Variants in LPAR3 observed in about 807,000 individuals in gnomAD.
The protein encoded by LPAR3 is lysophosphatidic acid receptor 3.
A neutral mutation model predicts 17.8 loss-of-function variants in LPAR3; 7 were observed. The ratio of observed to expected loss-of-function variants is 0.39; its 90% CI spans 0.22 to 0.74. The LOEUF is 0.74. Ranked by LOEUF, LPAR3 falls within the 30% of genes least tolerant of loss-of-function variation. The probability of loss-of-function intolerance (pLI) is 0.40; values close to 1 mark genes in which losing one functional copy is unlikely to be tolerated. For synonymous variants in LPAR3, 179 were observed against 179.9 expected, an observed-to-expected ratio of 0.99 and a Z score of 0.04; for missense variants, 391 against 453.4, an observed-to-expected ratio of 0.86 and a Z score of 1.25.
intron 2 of LPAR3, among the ~76,000 whole-genome samples, chr1:84,831,517 T>G (rs1659282317): frequency 6.9e-6 from 1 of 143,918 alleles, no homozygotes; most frequent in Non-Finnish European, 1.5e-5. Flanking sequence ...TTACATTGCA[T>G]TATATATATA....
intron 2 of LPAR3, among the ~76,000 whole-genome samples, chr1:84,860,734 ATTTTTT>A (rs35354113): frequency 7.0e-5 from 8 of 113,548 alleles, no homozygotes; most frequent in Admixed American, 1.9e-4. Flanking sequence ...TTAGGATTTA[ATTTTTT>A]TTTTTTTTTT....
At chr1:84,862,073 A>C (rs1419151398) in intron 2 of LPAR3, among the ~76,000 whole-genome samples, 1 of 152,218 alleles carries the variant, frequency 6.6e-6, no homozygotes, top group Non-Finnish European at 1.5e-5. Flanking sequence ...TGATGAGAAA[A>C]GAAAGTTTTC....
intron 1 of LPAR3, among the ~76,000 whole-genome samples, chr1:84,868,302 G>A (rs1660092935): frequency 6.6e-6 from 1 of 152,128 alleles, no homozygotes; most frequent in Non-Finnish European, 1.5e-5. Context: ...TAGAGACGGG[G>A]TTTCACCATG....
intron 2 of LPAR3, among the ~76,000 whole-genome samples, chr1:84,857,058 G>A (rs1659843467): frequency 6.6e-6 from 1 of 152,118 alleles, no homozygotes; most frequent in Admixed American, 6.5e-5. Flanking sequence ...TTTGCCATCT[G>A]TCAAGGCAGC....
intron 2 of LPAR3, among the ~76,000 whole-genome samples, chr1:84,816,885 C>T (rs903700193): frequency 6.6e-6 from 1 of 152,146 alleles, no homozygotes; most frequent in Non-Finnish European, 1.5e-5. Context: ...TGTACTCTTC[C>T]ATTTGTTTTG....
intron 1 of LPAR3, among the ~76,000 whole-genome samples, chr1:84,879,908 A>C (rs921307215): frequency 3.3e-5 from 5 of 152,248 alleles, no homozygotes; most frequent in African/African-American, 1.2e-4. Flanking sequence ...AAATCCACGT[A>C]GTCCATGGAC....
At chr1:84,860,249 A>T (rs557295534) in intron 2 of LPAR3, among the ~76,000 whole-genome samples, 2 of 152,160 alleles carry the variant, frequency 1.3e-5, no homozygotes, top group Non-Finnish European at 2.9e-5. Context: ...CTGAATCCCC[A>T]TGCTGTTAGC....
chr1:84,813,745 C>A lies in LPAR3; in HGVS notation c.*101G>T. ...GAAATCTAGCAGTGATTAATGGAGA[C>A]CTCAAATAACACTGTACATGGGCTT... On this transcript the variant is annotated 3_prime_UTR_variant, in exon 3 of 3. Coordinates refer to ENST00000370611, the MANE Select transcript of LPAR3 (RefSeq NM_012152.3). 1 of 967,360 alleles carries A rather than the reference C, an allele frequency of 1.0e-6. No individual in the cohort carries two copies. The highest frequency in any genetic ancestry group is 1.7e-5 in the South Asian group (1 of 59,792). 59.9% of individuals were successfully genotyped at this position (967,360 alleles called of 1,614,324 possible). A position where few individuals can be genotyped will look rare whatever the true frequency, so the allele number is the denominator to read the frequency against.
intron 2 of LPAR3, among the ~76,000 whole-genome samples, chr1:84,822,999 A>G (rs1659085743): frequency 6.6e-6 from 1 of 152,232 alleles, no homozygotes; most frequent in South Asian, 2.1e-4. Flanking sequence ...TTTTTAGTCC[A>G]GGAAAAAGCA....
chr1:84,819,708 A>C (rs1298524340), intron 2 of LPAR3, among the ~76,000 whole-genome samples: 1 of 152,182 alleles, frequency 6.6e-6, no homozygotes, highest in Non-Finnish European at 1.5e-5. Flanking sequence ...TAAATATACA[A>C]AGAGTGGCAG....
chr1:84,846,201 A>G (rs1028616837), intron 2 of LPAR3, among the ~76,000 whole-genome samples: 3 of 152,228 alleles, frequency 2.0e-5, no homozygotes, highest in Non-Finnish European at 4.4e-5. Flanking sequence ...CATGTTAAAA[A>G]AAGCCATTTT....
chr1:84,884,996 A>C (rs1269151904), intron 1 of LPAR3, among the ~76,000 whole-genome samples: 1 of 152,210 alleles, frequency 6.6e-6, no homozygotes, highest in African/African-American at 2.4e-5. Flanking sequence ...GAAGTGCATG[A>C]AGACATGTGT....
intron 2 of LPAR3, among the ~76,000 whole-genome samples, chr1:84,827,514 C>T (rs564900337): frequency 1.3e-3 from 191 of 151,732 alleles, no homozygotes; most frequent in African/African-American, 4.6e-3. Context: ...ACTGCTCACA[C>T]CTCTGTCTTT....
At chr1:84,868,483 A>G (rs887543823) in intron 1 of LPAR3, among the ~76,000 whole-genome samples, 1 of 152,168 alleles carries the variant, frequency 6.6e-6, no homozygotes. Flanking sequence ...GTGATACTCA[A>G]TTTAAATATT....
chr1:84,876,035 C>T (rs1259250060), intron 1 of LPAR3, among the ~76,000 whole-genome samples: 5 of 152,154 alleles, frequency 3.3e-5, no homozygotes, highest in African/African-American at 9.7e-5. Flanking sequence ...GCAGCTGTAG[C>T]GGGAAACAGT....
intron 1 of LPAR3, among the ~76,000 whole-genome samples, chr1:84,870,514 C>T (rs1660140365): frequency 6.6e-6 from 1 of 152,192 alleles, no homozygotes; most frequent in Admixed American, 6.5e-5. Flanking sequence ...CTAAGTATGA[C>T]AAGTAGCGAG....
chr1:84,857,972 T>C (rs1192268868), intron 2 of LPAR3, among the ~76,000 whole-genome samples: 3 of 152,282 alleles, frequency 2.0e-5, no homozygotes, highest in Admixed American at 6.5e-5. Context: ...TACGGGTGTG[T>C]GGGCAAGAGG....
In LPAR3 at chr1:84,813,148, T is replaced by TATATAC. The variant is rs1553145921; in HGVS notation, c.*697_*698insGTATAT. 7 of 109,186 alleles carry TATATAC rather than the reference T, an allele frequency of 6.4e-5. No individual in the cohort carries two copies. The highest frequency in any genetic ancestry group is 1.1e-4 in the Non-Finnish European group (6 of 53,548). The allele number at this position is 109,186 out of a possible 1,614,324, so 6.8% of individuals were successfully genotyped here. ...AGGAATATATATATATATATATATA[T>TATATAC]ATATATATATAGACACACACACACA... is the stretch of plus-strand genomic sequence containing the variant. On this transcript the variant is annotated 3_prime_UTR_variant, in exon 3 of 3. Transcript: ENST00000370611.
intron 1 of LPAR3, among the ~76,000 whole-genome samples, chr1:84,892,439 A>G (rs1660570632): frequency 6.6e-6 from 1 of 152,170 alleles, no homozygotes; most frequent in African/African-American, 2.4e-5. Context: ...GAACAAAAGC[A>G]CTTTTGTCTC....
Sources: gnomAD v4.1 joint callset for allele counts (sites outside exome capture counted in the v4.1 genomes callset) on GRCh38, gnomAD v4.1.1 for gene constraint, MANE v1.5 for transcripts, NCBI Gene and HGNC (gene_info 2026-07-23, HGNC 2026-07-21) for gene names.